THSD4: variants seen among roughly 807,000 people sequenced by gnomAD.
The protein encoded by THSD4 is thrombospondin type-1 domain-containing protein 4.
In THSD4, 69 loss-of-function variants were observed where a neutral mutation model predicts 119.0. That is an observed-to-expected ratio of 0.58 (90% confidence interval 0.48 to 0.71). The LOEUF is 0.71. THSD4 is among the 30% of genes least tolerant of loss of function. The pLI, the probability that THSD4 is intolerant of heterozygous loss-of-function variation, is 0.00. For synonymous variants in THSD4, 524 were observed against 540.4 expected (o/e 0.97, Z 0.42); for missense variants, 1,393 against 1,391.1 (o/e 1.00, Z -0.02).
chr15:71,197,201 C>T (rs1422243767), intron 3 of THSD4, among the ~76,000 whole-genome samples: 1 of 152,210 alleles, frequency 6.6e-6, no homozygotes, highest in East Asian at 1.9e-4. Flanking sequence ...TCCTGGGAAT[C>T]AGGGCTGATG....
rs185896338 is a variant in THSD4 at position 71,459,774 on chromosome 15, G to A, written c.1152+47951G>A. Among the ~76,000 whole-genome samples the A allele has an allele frequency of 4.4e-3, 670 of 152,218 alleles. 3 individuals are homozygous for A. Among genetic ancestry groups the A allele is most frequent in the Non-Finnish European group, 6.2e-3 (422 of 68,018 alleles). ...AGAATAACATTTTTATTTTGTAAAG[G>A]ATTGGCTCATTGTGTGCTGCTTTGA... On this transcript the variant is annotated intron_variant, in intron 7 of 17. Coordinates refer to ENST00000261862, the MANE Select transcript of THSD4 (RefSeq NM_024817.3).
chr15:71,523,648 C>T (rs1265804025), intron 7 of THSD4, among the ~76,000 whole-genome samples: 3 of 152,106 alleles, frequency 2.0e-5, no homozygotes, highest in Admixed American at 6.5e-5. Flanking sequence ...CTGCTGTGGC[C>T]TTAGTCCAGG....
chr15:71,748,962 A>G (rs925445350), intron 14 of THSD4, among the ~76,000 whole-genome samples: 3 of 152,148 alleles, frequency 2.0e-5, no homozygotes, highest in African/African-American at 7.2e-5. Context: ...AAAACATCCC[A>G]CACCCCGTTC....
chr15:71,485,214 A>G (rs570341700), intron 7 of THSD4, among the ~76,000 whole-genome samples: 1 of 152,182 alleles, frequency 6.6e-6, no homozygotes, highest in Non-Finnish European at 1.5e-5. Context: ...TTCTGCCATT[A>G]TTCGTCTGAC....
upstream of THSD4, among the ~76,000 whole-genome samples, chr15:71,114,004 A>G (rs62019148): frequency 0.21 from 32,467 of 151,856 alleles, 4,319 homozygotes; most frequent in African/African-American, 0.38. Context: ...ATTTGGACCC[A>G]TGAGACTCGT....
intron 8 of THSD4, among the ~76,000 whole-genome samples, chr15:71,710,055 A>G (rs2052477663): frequency 1.3e-5 from 2 of 152,238 alleles, no homozygotes; most frequent in African/African-American, 2.4e-5. Flanking sequence ...AGCCTTCCGC[A>G]TAGAGGTAGA....
rs953572578 is a variant in THSD4, at chr15:71,137,062, T to C, written c.-79-4387T>C. ...CTCATTCAACCTTCCTGTAGGATCT[T>C]TGTGGAAGGGAGAGAAGGTGGGGCC... On this transcript the variant is annotated intron_variant, in intron 1 of 17. Coordinates refer to ENST00000261862, the MANE Select transcript of THSD4 (RefSeq NM_024817.3). 2.5e-4 allele frequency among the ~76,000 whole-genome samples: 38 copies of C among 152,138 alleles called. 1 individual carries two copies. The highest frequency in any genetic ancestry group is 1.8e-3 in the Admixed American group (27 of 15,280).
chr15:71,434,660 G>T (rs1448125871), intron 7 of THSD4, among the ~76,000 whole-genome samples: 2 of 151,978 alleles, frequency 1.3e-5, no homozygotes, highest in Non-Finnish European at 2.9e-5. Context: ...AGGGAATCTA[G>T]CTGACTAAAA....
chr15:71,608,197 T>C (rs2050147122), intron 7 of THSD4, among the ~76,000 whole-genome samples: 1 of 131,720 alleles, frequency 7.6e-6, no homozygotes, highest in Non-Finnish European at 1.6e-5. Flanking sequence ...TACTCCAGCC[T>C]GGGGGACAGA....
At chr15:71,609,488 A>T (rs2050178110) in intron 7 of THSD4, among the ~76,000 whole-genome samples, 1 of 152,126 alleles carries the variant, frequency 6.6e-6, no homozygotes, top group Admixed American at 6.5e-5. Context: ...AGCCACATTG[A>T]TCTGCTCTCT....
At chr15:71,760,774 A>G (rs1385137105) in intron 15 of THSD4, among the ~76,000 whole-genome samples, 2 of 152,208 alleles carry the variant, frequency 1.3e-5, no homozygotes, top group African/African-American at 2.4e-5. Context: ...TTCTTTAGGT[A>G]CAGAAACATG....
intron 7 of THSD4, among the ~76,000 whole-genome samples, chr15:71,632,482 T>A (rs1172254124): frequency 6.6e-6 from 1 of 152,238 alleles, no homozygotes; most frequent in East Asian, 1.9e-4. Context: ...AGAACCTACT[T>A]CTTTGGCCAC....
At chr15:71,244,045 A>G (rs1323859738) in intron 5 of THSD4, among the ~76,000 whole-genome samples, 3 of 149,714 alleles carry the variant, frequency 2.0e-5, no homozygotes, top group Non-Finnish European at 3.0e-5. Context: ...TCTGCCTCCC[A>G]AAGTGCTGGG....
intron 7 of THSD4, among the ~76,000 whole-genome samples, chr15:71,449,249 T>G (rs1382330885): frequency 6.6e-6 from 1 of 152,220 alleles, no homozygotes; most frequent in African/African-American, 2.4e-5. Flanking sequence ...TTTAAACTGC[T>G]CTTGTCGACA....
chr15:71,189,209 C>T (rs1326155674), intron 3 of THSD4, among the ~76,000 whole-genome samples: 2 of 152,140 alleles, frequency 1.3e-5, no homozygotes, highest in African/African-American at 4.8e-5. Context: ...CAGCTATATG[C>T]ATTGTTGAGC....
intron 8 of THSD4, among the ~76,000 whole-genome samples, chr15:71,714,822 C>T (rs1353269181): frequency 2.0e-5 from 3 of 152,074 alleles, no homozygotes; most frequent in South Asian, 2.1e-4. Flanking sequence ...GCAACAAAAC[C>T]GCTGCAACAC....
intron 5 of THSD4, among the ~76,000 whole-genome samples, chr15:71,256,138 G>C (rs1216223722): frequency 1.3e-5 from 2 of 152,168 alleles, no homozygotes; most frequent in Admixed American, 1.3e-4. Context: ...TTGAGCAAAT[G>C]TTCAGAAACC....
At chr15:71,298,419 C>T (rs1291030513) in intron 6 of THSD4, among the ~76,000 whole-genome samples, 7 of 152,050 alleles carry the variant, frequency 4.6e-5, no homozygotes, top group Admixed American at 3.9e-4. Flanking sequence ...CTGTTATTAA[C>T]CAGCCATCCC....
At chr15:71,631,215 A>G (rs950047911) in intron 7 of THSD4, among the ~76,000 whole-genome samples, 1 of 152,326 alleles carries the variant, frequency 6.6e-6, no homozygotes, top group African/African-American at 2.4e-5. Flanking sequence ...TGCCAGCCCA[A>G]GTCATGCAGA....
Sources: allele counts gnomAD v4.1 joint callset (sites outside exome capture counted in the v4.1 genomes callset), GRCh38; gene constraint gnomAD v4.1.1; transcripts MANE v1.5; gene names NCBI Gene and HGNC (gene_info 2026-07-23, HGNC 2026-07-21).